DIDO1: variants seen among roughly 807,000 people sequenced by gnomAD.
The protein encoded by DIDO1 is death inducer-obliterator 1, also known as death-inducer obliterator 1.
Under a neutral mutation model 99.4 loss-of-function variants are expected in DIDO1, and 16 were observed. That is an observed-to-expected ratio of 0.16 (90% CI 0.11 to 0.24). The LOEUF is 0.24. Among genes scored for constraint, DIDO1 ranks in the 10% least tolerant of loss-of-function variants. The probability of loss-of-function intolerance (pLI) is 1.00; values close to 1 mark genes in which losing one functional copy is unlikely to be tolerated. For synonymous variants in DIDO1, 1,366 were observed against 1,239.1 expected, an observed-to-expected ratio of 1.10 and a Z score of -2.15; for missense variants, 2,996 against 3,014.0, an observed-to-expected ratio of 0.99 and a Z score of 0.14.
Position 62,911,365 on chromosome 20 carries a change from C to T in DIDO1, c.248G>A (p.Arg83His), listed in dbSNP as rs1264359122. 2 of 1,610,592 alleles carry T rather than the reference C, an allele frequency of 1.2e-6. No individual in the cohort carries two copies. Among genetic ancestry groups the T allele is most frequent in the Non-Finnish European group, 8.5e-7 (1 of 1,179,980 alleles). The change falls in exon 3 of 16, where the codon CGC (arginine) becomes CAC (histidine). Residue 83 changes from arginine to histidine, a missense_variant. Transcript: ENST00000395343. This position sits in a 1 kb window ranked among gnomAD's most constrained non-coding sequence, Gnocchi z 7.0. Reference protein sequence around the residue: ...RVEQFLTIARRRGRRSMPVSL... With the variant: ...RVEQFLTIARHRGRRSMPVSL... ...GACAGGCATGCTCCTCCTGCCGCGG[C>T]GCCGCGCAATGGTCAGGAACTGCTC...
intron 4 of DIDO1, among the ~76,000 whole-genome samples, chr20:62,907,638 G>C (rs1194187994): frequency 2.0e-5 from 3 of 152,232 alleles, no homozygotes; most frequent in African/African-American, 7.2e-5. Flanking sequence ...CTCGAGGGTG[G>C]GCGGGGCCCA....
chr20:62,916,915 C>G (rs935349618), intron 1 of DIDO1, among the ~76,000 whole-genome samples: 6 of 152,252 alleles, frequency 3.9e-5, no homozygotes, highest in African/African-American at 1.4e-4. Flanking sequence ...TGTGTTCACT[C>G]TGAACACGTC....
At chr20:62,898,675 G>A (rs989813563) in intron 6 of DIDO1, among the ~76,000 whole-genome samples, 4 of 152,170 alleles carry the variant, frequency 2.6e-5, no homozygotes, top group African/African-American at 7.2e-5. Flanking sequence ...TGGCAACACT[G>A]CCAAGCCCTG....
At chr20:62,928,778 A>C (rs538953728), upstream of DIDO1, 1 of 152,346 alleles carries the variant, frequency 6.6e-6, no homozygotes, top group Non-Finnish European at 1.5e-5. Context: ...AGAAAGCAGG[A>C]AGGGGGCCAA....
intron 1 of DIDO1, among the ~76,000 whole-genome samples, chr20:62,936,843 G>A (rs1177163315): frequency 1.3e-5 from 2 of 152,286 alleles, no homozygotes; most frequent in African/African-American, 2.4e-5. Flanking sequence ...CAGCCTGGGC[G>A]AGAGTGAGAC....
At chr20:62,922,076 C>T (rs962451673) in intron 1 of DIDO1, among the ~76,000 whole-genome samples, 1 of 148,214 alleles carries the variant, frequency 6.7e-6, no homozygotes, top group Non-Finnish European at 1.5e-5. Flanking sequence ...ACTATATACA[C>T]TATATACACA....
chr20:62,890,993 C>T lies in DIDO1; in HGVS notation c.3508G>A (p.Val1170Ile). Reference sequence around the variant, plus strand: ...TCAAAGGGCAAGAGTTTGGATGGAACAGGGTCCTGGGCGCTCAGCGGGATC... The same window carrying T: ...TCAAAGGGCAAGAGTTTGGATGGAATAGGGTCCTGGGCGCTCAGCGGGATC... The part of the protein sequence containing the change: ...YLIPLSAQDP[V>I]PSKLLPFEGP... Residue 1170 changes from valine to isoleucine, a missense_variant, in exon 15 of 16, where the codon GTT becomes ATT. By Grantham distance (29) the Val-to-Ile change is conservative. Transcript: ENST00000395343. The T allele has an allele frequency of 6.2e-7, 1 of 1,614,148 alleles. No individual in the cohort carries two copies.
chr20:62,891,803 T>C (rs891677750), intron 14 of DIDO1, among the ~76,000 whole-genome samples, 184 bp downstream of exon 14: 1 of 151,790 alleles, frequency 6.6e-6, no homozygotes, highest in Admixed American at 6.6e-5. Context: ...TCTCCCAGGC[T>C]GGAGTGCAGT....
intron 4 of DIDO1, among the ~76,000 whole-genome samples, chr20:62,908,308 G>A (rs924239083): frequency 1.3e-5 from 2 of 152,148 alleles, no homozygotes; most frequent in East Asian, 1.9e-4. Context: ...AAAAAACAGC[G>A]TGAGGGCTTC....
chr20:62,926,724 G>A (rs145184794), upstream of DIDO1, among the ~76,000 whole-genome samples: 641 of 152,358 alleles, frequency 4.2e-3, 4 homozygotes, highest in African/African-American at 0.015. Flanking sequence ...CCGACTCCAA[G>A]AGTGAAAGCT....
chr20:62,879,871 G>C lies in DIDO1; in HGVS notation c.6085C>G (p.Leu2029Val). ...MKPGPRPLLE[L>V]PSHPPQHRKD... ...CGGTGCTGCGGGGGGTGGCTGGGAA[G>C]CTCCAGCAGGGGCCTGGGGCCCGGC... is the stretch of plus-strand genomic sequence containing the variant. Residue 2029 changes from leucine (L) to valine (V), a missense_variant, in exon 16 of 16, where the codon CTT (leucine) becomes GTT (valine). Coordinates refer to ENST00000395343, the MANE Select transcript of DIDO1 (RefSeq NM_001193369.2). The surrounding 1 kb of genome is among the most constrained non-coding windows in gnomAD (Gnocchi z 6.3). 6.3e-7 allele frequency: 1 copy of C among 1,591,294 alleles called. No individual in the cohort carries two copies. Among genetic ancestry groups the C allele is most frequent in the Non-Finnish European group, 8.5e-7 (1 of 1,170,502 alleles).
chr20:62,898,442 C>T (rs2064586248), intron 6 of DIDO1, among the ~76,000 whole-genome samples: 2 of 152,350 alleles, frequency 1.3e-5, no homozygotes, highest in Middle Eastern at 3.4e-3. Context: ...ATCCAAAAAG[C>T]GGTGTCACTG....
Position 62,881,264 on chromosome 20 carries a change from C to A in DIDO1, c.4692G>T (p.Arg1564Ser). Residue 1564 changes from arginine (R) to serine (S), a missense_variant, in exon 16 of 16, where the codon AGG becomes AGT. Transcript: ENST00000395343. This position sits in a 1 kb window ranked among gnomAD's most constrained non-coding sequence, Gnocchi z 8.3. ...ASNHRDPRQARRLATETGEGE... is the reference protein window; with the variant it reads ...ASNHRDPRQASRLATETGEGE... ...CCTCACCGGTCTCAGTGGCCAGGCG[C>A]CTCGCCTGCCGGGGGTCCCTGTGGT... 2.5e-6 allele frequency: 4 copies of A among 1,602,686 alleles called. No homozygotes were observed. Among genetic ancestry groups the A allele is most frequent in the Non-Finnish European group, 3.4e-6 (4 of 1,178,502 alleles).
At chr20:62,895,305 G>T in intron 8 of DIDO1, 140 bp from the exon 9 acceptor site, 3 of 730,208 alleles carry the variant, frequency 4.1e-6, no homozygotes, top group Non-Finnish European at 6.9e-6. Context: ...GTGGCACTGG[G>T]CAGAGCCCTC....
At chr20:62,924,648 C>A (rs1033517266) in intron 1 of DIDO1, among the ~76,000 whole-genome samples, 1 of 152,180 alleles carries the variant, frequency 6.6e-6, no homozygotes, top group African/African-American at 2.4e-5. Flanking sequence ...TGAAGAAACC[C>A]CAGCACCCTC....
rs143370037 is a variant in DIDO1, at chr20:62,880,836, T to C, written c.5120A>G (p.His1707Arg). 1.2e-6 allele frequency: 2 copies of C among 1,612,734 alleles called. No individual in the cohort carries two copies. Among genetic ancestry groups the C allele is most frequent in the South Asian group, 1.1e-5 (1 of 91,080 alleles). Residue 1707 changes from histidine (H) to arginine (R), a missense_variant, in exon 16 of 16, where the codon CAT becomes CGT. Physicochemically the swap from His to Arg is conservative, Grantham distance 29. This residue lies in a region of DIDO1 where 1,562 missense variants were observed against 1,412.6 expected (regional missense o/e 1.11). Coordinates refer to ENST00000395343, the MANE Select transcript of DIDO1 (RefSeq NM_001193369.2). ...SAQYEDPRNLHSAGRSSSPAG... is the reference protein window; with the variant it reads ...SAQYEDPRNLRSAGRSSSPAG... ...AGGGCTGCTGCTCCTTCCAGCAGAATGAAGATTTCTTGGGTCCTCATACTG... is the reference window on the plus strand; with the variant it reads ...AGGGCTGCTGCTCCTTCCAGCAGAACGAAGATTTCTTGGGTCCTCATACTG...
intron 1 of DIDO1, among the ~76,000 whole-genome samples, chr20:62,918,477 C>T (rs561405284): frequency 1.3e-5 from 2 of 152,350 alleles, no homozygotes; most frequent in Admixed American, 1.3e-4. Flanking sequence ...AGACTAGTTT[C>T]TGAGTAATTA....
At chr20:62,913,217 T>G (rs1429526003) in intron 2 of DIDO1, among the ~76,000 whole-genome samples, 1 of 151,896 alleles carries the variant, frequency 6.6e-6, no homozygotes, top group Non-Finnish European at 1.5e-5. Context: ...ACGGAAGCCT[T>G]GGAGATAAGG....
intron 1 of DIDO1, among the ~76,000 whole-genome samples, chr20:62,933,553 G>C: frequency 6.6e-6 from 1 of 152,144 alleles, no homozygotes; most frequent in East Asian, 1.9e-4. Context: ...CTGATATCCT[G>C]GTTTTTAAAC....
Sources: allele counts gnomAD v4.1 joint callset (sites outside exome capture counted in the v4.1 genomes callset), GRCh38; gene constraint gnomAD v4.1.1; regional missense constraint gnomAD v4.1.1; non-coding constraint Gnocchi (gnomAD v3.1); transcripts MANE v1.5; gene names NCBI Gene and HGNC (gene_info 2026-07-23, HGNC 2026-07-21).